WWC1: variants seen among roughly 807,000 people sequenced by gnomAD.
WWC1 encodes WW and C2 domain containing 1.
Under a neutral mutation model 138.4 loss-of-function variants are expected in WWC1, and 55 were observed. That is an observed-to-expected ratio of 0.40 (90% CI 0.32 to 0.50). The LOEUF (loss-of-function observed/expected upper bound fraction) is 0.50, where lower values mean the gene tolerates loss of function less well. WWC1 is among the 20% of genes least tolerant of loss of function. WWC1 has a pLI of 0.72. For synonymous variants in WWC1, 524 were observed against 564.9 expected (o/e 0.93, Z 1.03); for missense variants, 1,226 against 1,420.4 (o/e 0.86, Z 2.20).
At chr5:168,406,944 A>AAAATAAATAAATAAATAAATAAAT (rs199720935) in intron 6 of WWC1, among the ~76,000 whole-genome samples, 23 of 151,554 alleles carry the variant, frequency 1.5e-4, no homozygotes, top group African/African-American at 5.1e-4. Flanking sequence ...TCTGTCTCAA[A>AAAATAAATAAATAAATAAATAAAT]AAATAAATAA....
intron 2 of WWC1, among the ~76,000 whole-genome samples, chr5:168,382,904 A>G (rs1180097911): frequency 6.6e-6 from 1 of 152,150 alleles, no homozygotes; most frequent in Non-Finnish European, 1.5e-5. Context: ...GGCTGGGCAC[A>G]GTGCCTCACG....
At chr5:168,408,719 G>C in intron 7 of WWC1, 66 bp downstream of exon 7, 1 of 1,585,942 alleles carries the variant, frequency 6.3e-7, no homozygotes, top group South Asian at 1.2e-5. Context: ...TGCTGTAATG[G>C]ACAGCTGCCT....
chr5:168,443,378 A>G (rs1172528171), intron 16 of WWC1, among the ~76,000 whole-genome samples: 1 of 151,826 alleles, frequency 6.6e-6, no homozygotes, highest in Non-Finnish European at 1.5e-5. Flanking sequence ...TGCATCAGGC[A>G]CTGTTCTGTT....
chr5:168,464,830 C>G lies in WWC1; in HGVS notation c.3018C>G (p.Thr1006=). ...QATRTWHSQL[T]QEISVLKELK... Reference sequence around the variant, plus strand: ...CAAGAACCTGGCACAGCCAATTGACCCAGGAGATCTCGGTGCTGAAGGAGC... The same window carrying G: ...CAAGAACCTGGCACAGCCAATTGACGCAGGAGATCTCGGTGCTGAAGGAGC... Residue 1006 remains threonine, a synonymous_variant, in exon 21 of 23, where the codon ACC becomes ACG. Transcript: ENST00000265293. 6.2e-7 allele frequency: 1 copy of G among 1,614,208 alleles called. No homozygotes were observed.
chr5:168,310,203 CT>C (rs1188373473), intron 1 of WWC1, among the ~76,000 whole-genome samples: 1 of 152,132 alleles, frequency 6.6e-6, no homozygotes, highest in Non-Finnish European at 1.5e-5. Context: ...GACCTTTCCC[CT>C]GTAATATTTT....
chr5:168,434,298 G>T (rs1782175040), intron 15 of WWC1, among the ~76,000 whole-genome samples: 1 of 152,182 alleles, frequency 6.6e-6, no homozygotes, highest in African/African-American at 2.4e-5. Flanking sequence ...CCCATATACG[G>T]TGGGGACATG....
chr5:168,380,395 C>T (rs1398326847), intron 2 of WWC1, among the ~76,000 whole-genome samples: 1 of 151,912 alleles, frequency 6.6e-6, no homozygotes, highest in Non-Finnish European at 1.5e-5. Context: ...TCACTTTAGC[C>T]CAGGAGTTGA....
intron 1 of WWC1, among the ~76,000 whole-genome samples, chr5:168,316,148 G>A (rs1174750662): frequency 6.6e-6 from 1 of 152,144 alleles, no homozygotes; most frequent in Non-Finnish European, 1.5e-5. Flanking sequence ...GCGTTTCTCA[G>A]AATTTGCGAC....
intron 1 of WWC1, among the ~76,000 whole-genome samples, chr5:168,369,353 C>G (rs78345460): frequency 1.3e-5 from 2 of 152,162 alleles, no homozygotes; most frequent in Non-Finnish European, 2.9e-5. Context: ...CTCACACAGC[C>G]AGTAAGTGAT....
Position 168,472,301 on chromosome 5 carries a change from T to C in WWC1, c.*3284T>C, listed in dbSNP as rs1161881607. 1 of 152,246 alleles carries C rather than the reference T, an allele frequency of 6.6e-6. No individual in the cohort carries two copies. The highest frequency in any genetic ancestry group is 2.4e-5 in the African/African-American group (1 of 41,458). 9.4% of individuals were successfully genotyped at this position (152,246 alleles called of 1,614,324 possible). ...TTAAAAATAAATAAATGTTCACTTA[T>C]AATTGTGCATGTGTCTTTTCCAGGA... is the stretch of plus-strand genomic sequence containing the variant. On this transcript the variant is annotated 3_prime_UTR_variant, in exon 23 of 23. Coordinates refer to ENST00000265293, the MANE Select transcript of WWC1 (RefSeq NM_015238.3).
rs377636085 is a variant in WWC1 at position 168,467,803 on chromosome 5, C to G, written c.3151-37C>G. The G allele has an allele frequency of 3.8e-5, 61 of 1,613,540 alleles. 1 individual carries two copies. The Middle Eastern group carries it at 4.9e-4, about 13-fold the overall frequency. ...TTCTCCTTGCCCCTTTCTGGAGGCC[C>G]CCTCCACTGACTCAGGGCCTTGCTT... On this transcript the variant is annotated intron_variant, in intron 21 of 22. Coordinates refer to ENST00000265293, the MANE Select transcript of WWC1 (RefSeq NM_015238.3).
At chr5:168,379,268 G>A (rs1777444037) in intron 2 of WWC1, among the ~76,000 whole-genome samples, 1 of 152,064 alleles carries the variant, frequency 6.6e-6, no homozygotes, top group Non-Finnish European at 1.5e-5. Flanking sequence ...GATCTCAAAG[G>A]GCCTGCCAGT....
chr5:168,324,289 C>T (rs925620145), intron 1 of WWC1, among the ~76,000 whole-genome samples: 6 of 152,074 alleles, frequency 3.9e-5, no homozygotes, highest in African/African-American at 1.4e-4. Flanking sequence ...CAAAAATTAG[C>T]CAGGCTGGTG....
Position 168,385,329 on chromosome 5 carries a change from G to A in WWC1, c.348G>A (p.Val116=), listed in dbSNP as rs141065175. Residue 116 remains valine, a synonymous_variant, in exon 3 of 23, where the codon GTG becomes GTA. Coordinates refer to ENST00000265293, the MANE Select transcript of WWC1 (RefSeq NM_015238.3). ...GTGCACAAAAGGAGATCTACCAGGT[G>A]AAGCAGCAGCGCCTGGAGCTTGCAC... is the stretch of plus-strand genomic sequence containing the variant. ...ALSAQKEIYQ[V]KQQRLELAQQ... The A allele has an allele frequency of 3.6e-4, 579 of 1,614,162 alleles. No homozygotes were observed. The highest frequency in any genetic ancestry group is 1.7e-3 in the Admixed American group (103 of 60,022).
chr5:168,293,903 G>A (rs964248348), intron 1 of WWC1, among the ~76,000 whole-genome samples: 6 of 152,192 alleles, frequency 3.9e-5, no homozygotes, highest in African/African-American at 1.4e-4. Context: ...CTGACACACT[G>A]CTTCCCCACC....
chr5:168,425,932 T>C (rs370935909), intron 11 of WWC1, among the ~76,000 whole-genome samples: 123 of 152,294 alleles, frequency 8.1e-4, no homozygotes, highest in African/African-American at 2.8e-3. Flanking sequence ...ACGCACACTG[T>C]TATCCATGTG....
At chr5:168,336,042 G>A (rs1018198778) in intron 1 of WWC1, among the ~76,000 whole-genome samples, 5 of 152,144 alleles carry the variant, frequency 3.3e-5, no homozygotes, top group African/African-American at 7.2e-5. Context: ...TGTTGTTTTA[G>A]CAATGGAACC....
intron 7 of WWC1, among the ~76,000 whole-genome samples, chr5:168,409,209 T>G (rs1283454444): frequency 6.6e-6 from 1 of 152,158 alleles, no homozygotes; most frequent in Non-Finnish European, 1.5e-5. Context: ...TTGGAGAGCT[T>G]TTGTTTTACT....
At chr5:168,421,430 A>T (rs551137085) in intron 9 of WWC1, among the ~76,000 whole-genome samples, 1 of 152,266 alleles carries the variant, frequency 6.6e-6, no homozygotes, top group South Asian at 2.1e-4. Context: ...CTTTTTCTTC[A>T]TGGACCTTGT....
Sources: gnomAD v4.1 joint callset for allele counts (sites outside exome capture counted in the v4.1 genomes callset) on GRCh38, gnomAD v4.1.1 for gene constraint, MANE v1.5 for transcripts, NCBI Gene and HGNC (gene_info 2026-07-23, HGNC 2026-07-21) for gene names.